UBE2O: variants seen among roughly 807,000 people sequenced by gnomAD.
UBE2O encodes the protein (E3-independent) E2 ubiquitin-conjugating enzyme.
UBE2O carries 15 observed loss-of-function variants against 125.8 expected under a neutral mutation model. The observed-to-expected ratio is 0.12, with a 90% CI of 0.08 to 0.18. The LOEUF (loss-of-function observed/expected upper bound fraction) is 0.18, where lower values mean the gene tolerates loss of function less well. Ranked by LOEUF, UBE2O falls within the 10% of genes least tolerant of loss-of-function variation. The probability of loss-of-function intolerance (pLI) is 1.00; values close to 1 mark genes in which losing one functional copy is unlikely to be tolerated. For missense variants in UBE2O, 1,280 were observed against 1,723.6 expected (o/e 0.74, Z 4.56); for synonymous variants, 708 against 703.2 (o/e 1.01, Z -0.11).
In UBE2O at chr17:76,398,104, C is replaced by CT; in HGVS notation, c.2025+150dup. On this transcript the variant is annotated intron_variant, in intron 12 of 17. Coordinates refer to ENST00000319380, the MANE Select transcript of UBE2O (RefSeq NM_022066.4). This position sits in a 1 kb window ranked among gnomAD's most constrained non-coding sequence, Gnocchi z 5.4. ...TGCAGCTGCTAGTGCTGAGCGGCAG[C>CT]TTGACTCTGGGGCAGCTGCCCTTCT... is the stretch of plus-strand genomic sequence containing the variant. 1 of 1,158,402 alleles carries CT rather than the reference C, an allele frequency of 8.6e-7. No individual in the cohort carries two copies. The highest frequency in any genetic ancestry group is 1.2e-6 in the Non-Finnish European group (1 of 810,022). The allele number at this position is 1,158,402 out of a possible 1,614,324, so 71.8% of individuals were successfully genotyped here.
In UBE2O at chr17:76,452,790, G is replaced by A. The variant is rs772937702; in HGVS notation, c.352C>T (p.Arg118Cys). 4.6e-6 allele frequency: 7 copies of A among 1,522,012 alleles called. No homozygotes were observed. The highest frequency in any genetic ancestry group is 1.2e-5 in the South Asian group (1 of 80,692). The allele number at this position is 1,522,012 out of a possible 1,614,324, so 94.3% of individuals were successfully genotyped here. ...GHEEGRASPLRRGYVRVQWYP... is the reference protein window; with the variant it reads ...GHEEGRASPLCRGYVRVQWYP... Reference sequence around the variant, plus strand: ...CACTGGACGCGCACGTAGCCGCGGCGCAGGGGGCTGGCCCGGCCCTCCTCG... The same window carrying A: ...CACTGGACGCGCACGTAGCCGCGGCACAGGGGGCTGGCCCGGCCCTCCTCG... Residue 118 changes from arginine to cysteine, a missense_variant, in exon 1 of 18, where the codon CGC (arginine) becomes TGC (cysteine). Around this residue, in one of 10 missense-constraint regions of UBE2O, gnomAD observed 188 missense variants for 192.5 expected, o/e 0.98. Transcript: ENST00000319380. This position sits in a 1 kb window ranked among gnomAD's most constrained non-coding sequence, Gnocchi z 4.4.
rs1376556340 is a variant in UBE2O at position 76,452,270 on chromosome 17, T to C, written c.417+455A>G. 6.6e-6 allele frequency among the ~76,000 whole-genome samples: 1 copy of C among 152,162 alleles called. No homozygotes were observed. The highest frequency in any genetic ancestry group is 1.5e-5 in the Non-Finnish European group (1 of 68,030). ...TGGGTTCGGCTGGGATTTTCACCTCTATCTTTGTTTTGGAATGCCCACAAC... is the reference window on the plus strand; with the variant it reads ...TGGGTTCGGCTGGGATTTTCACCTCCATCTTTGTTTTGGAATGCCCACAAC... On this transcript the variant is annotated intron_variant, in intron 1 of 17. Transcript: ENST00000319380. This position sits in a 1 kb window ranked among gnomAD's most constrained non-coding sequence, Gnocchi z 4.4.
In UBE2O at chr17:76,391,706, T is replaced by C; in HGVS notation, c.3208+50A>G. ...GCCAGGGGGACTATCAGAGTCACTT[T>C]CCTCCACCGGCCCTCCCTTGTCCGC... On this transcript the variant is annotated intron_variant, in intron 17 of 17. Coordinates refer to ENST00000319380, the MANE Select transcript of UBE2O (RefSeq NM_022066.4). This position sits in a 1 kb window ranked among gnomAD's most constrained non-coding sequence, Gnocchi z 8.4. 1 of 1,609,984 alleles carries C rather than the reference T, an allele frequency of 6.2e-7. No individual in the cohort carries two copies. The highest frequency in any genetic ancestry group is 8.5e-7 in the Non-Finnish European group (1 of 1,177,524).
At chr17:76,393,215 A>G (rs1018191735) in intron 15 of UBE2O, among the ~76,000 whole-genome samples, 9 of 151,566 alleles carry the variant, frequency 5.9e-5, no homozygotes, top group Non-Finnish European at 1.0e-4. Context: ...CTATGATCAC[A>G]CCACTGCACT....
chr17:76,394,561 G>A (rs1284808028), intron 15 of UBE2O, among the ~76,000 whole-genome samples: 3 of 152,174 alleles, frequency 2.0e-5, no homozygotes, highest in Admixed American at 6.5e-5. Flanking sequence ...TGTGTACGAC[G>A]ACATATTCTG....
intron 1 of UBE2O, among the ~76,000 whole-genome samples, chr17:76,424,410 T>TA (rs2072768928): frequency 6.7e-6 from 1 of 149,124 alleles, no homozygotes; most frequent in South Asian, 2.1e-4. Context: ...GGTTTCACCA[T>TA]ATTGGCCAGG....
In UBE2O at chr17:76,410,864, G is replaced by A. The variant is rs1014899402; in HGVS notation, c.418-5292C>T. On this transcript the variant is annotated intron_variant, in intron 1 of 17. Transcript: ENST00000319380. This position sits in a 1 kb window ranked among gnomAD's most constrained non-coding sequence, Gnocchi z 4.0. ...ATAACACAGCAAAAGCAACTAGCTC[G>A]TCCTGCAGCTCCTGGTCCAGACTCT... Among the ~76,000 whole-genome samples the A allele has an allele frequency of 2.0e-5, 3 of 152,136 alleles. No homozygotes were observed. Among genetic ancestry groups the A allele is most frequent in the East Asian group, 3.8e-4 (2 of 5,200 alleles).
chr17:76,423,896 CTTTTTTTTTTTTTT>C (rs746126675), intron 1 of UBE2O, among the ~76,000 whole-genome samples: 1 of 83,470 alleles, frequency 1.2e-5, no homozygotes, highest in African/African-American at 4.8e-5. Context: ...AGGTTGGGTT[CTTTTTTTTTTTTTT>C]TTTTTTTTTG....
Position 76,391,118 on chromosome 17 carries a change from T to C in UBE2O, c.3704A>G (p.Lys1235Arg), listed in dbSNP as rs1229603807. 6.2e-7 allele frequency: 1 copy of C among 1,614,182 alleles called. No individual in the cohort carries two copies. Among genetic ancestry groups the C allele is most frequent in the Non-Finnish European group, 8.5e-7 (1 of 1,180,036 alleles). The change falls in exon 18 of 18, where the codon AAG becomes AGG. Residue 1235 changes from lysine (K) to arginine (R), a missense_variant. Coordinates refer to ENST00000319380, the MANE Select transcript of UBE2O (RefSeq NM_022066.4). This position sits in a 1 kb window ranked among gnomAD's most constrained non-coding sequence, Gnocchi z 8.4. ...GCTCCGGTAGCTCTTTCTCCGCTTCTTTGGTTTCACACTGGGTGGCACCGA... is the reference window on the plus strand; with the variant it reads ...GCTCCGGTAGCTCTTTCTCCGCTTCCTTGGTTTCACACTGGGTGGCACCGA... The part of the protein sequence containing the change: ...DASVPPSVKP[K>R]KRRKSYRSFL...
chr17:76,453,079 G>A lies in UBE2O; in HGVS notation c.63C>T (p.Ala21=), dbSNP rs1047067806. 2.5e-4 allele frequency: 289 copies of A among 1,177,982 alleles called. 1 individual carries two copies. Among genetic ancestry groups the A allele is most frequent in the Middle Eastern group, 6.1e-4 (2 of 3,262 alleles). The allele number at this position is 1,177,982 out of a possible 1,614,324, so 73.0% of individuals were successfully genotyped here. A position where few individuals can be genotyped will look rare whatever the true frequency, so the allele number is the denominator to read the frequency against. The change falls in exon 1 of 18, where the codon GCC becomes GCT. Residue 21 remains alanine (A), a synonymous_variant. Transcript: ENST00000319380. ...APAPAQAPAP[A]PEAVPAPAAA... is the part of the protein sequence containing the mutation. ...CGGCTGGGGCCGGGACTGCCTCCGG[G>A]GCTGGAGCCGGGGCCTGGGCTGGAG...
intron 1 of UBE2O, among the ~76,000 whole-genome samples, chr17:76,427,702 G>C (rs2143832430): frequency 6.6e-6 from 1 of 152,392 alleles, no homozygotes; most frequent in East Asian, 1.9e-4. Context: ...GCAACATGTA[G>C]ATGTTATAAA....
intron 15 of UBE2O, among the ~76,000 whole-genome samples, chr17:76,394,909 T>C (rs2072178565): frequency 6.6e-6 from 1 of 151,720 alleles, no homozygotes; most frequent in South Asian, 2.1e-4. Context: ...GAAGTCTCGC[T>C]CTGTTGCCCA....
chr17:76,446,663 G>A (rs1032231927), intron 1 of UBE2O, among the ~76,000 whole-genome samples: 1 of 152,184 alleles, frequency 6.6e-6, no homozygotes, highest in African/African-American at 2.4e-5. Context: ...ATTCCCAGCC[G>A]AAGGATGACA....
In UBE2O at chr17:76,402,088, G is replaced by A. The variant is rs1375815105; in HGVS notation, c.726C>T (p.Asp242=). The part of the protein sequence containing the change: ...MNTEDGAKLY[D]VCPHVSDSGL... Reference sequence around the variant, plus strand: ...CCGAGTCGCTGACGTGCGGGCAGACGTCGTAGAGCTTGGCGCCATCTTCCG... The same window carrying A: ...CCGAGTCGCTGACGTGCGGGCAGACATCGTAGAGCTTGGCGCCATCTTCCG... Residue 242 remains aspartate (D), a synonymous_variant, in exon 5 of 18, where the codon GAC becomes GAT. Transcript: ENST00000319380. The surrounding 1 kb of genome is among the most constrained non-coding windows in gnomAD (Gnocchi z 5.4). 1.4e-5 allele frequency: 23 copies of A among 1,613,574 alleles called. No individual in the cohort carries two copies. The highest frequency in any genetic ancestry group is 8.3e-5 in the Admixed American group (5 of 59,980).
At position 76,400,203 on chromosome 17, in the gene UBE2O, C is replaced by A. The variant is rs752134380; in HGVS notation, c.1099G>T (p.Ala367Ser). 6.2e-7 allele frequency: 1 copy of A among 1,614,112 alleles called. No homozygotes were observed. Among genetic ancestry groups the A allele is most frequent in the Non-Finnish European group, 8.5e-7 (1 of 1,180,010 alleles). Residue 367 changes from alanine (A) to serine (S), a missense_variant, in exon 8 of 18, where the codon GCC becomes TCC. Transcript: ENST00000319380. The surrounding 1 kb of genome is among the most constrained non-coding windows in gnomAD (Gnocchi z 4.3). ...CAGTTTTTTTCTGGACATTCCCAGG[C>A]AATCTTGGCTGGCTCTACCTTGGCT... ...FPAKVEPAKI[A>S]WECPEKNCAQ...
chr17:76,437,666 G>A (rs1446525553), intron 1 of UBE2O, among the ~76,000 whole-genome samples: 1 of 151,990 alleles, frequency 6.6e-6, no homozygotes, highest in Non-Finnish European at 1.5e-5. Flanking sequence ...CCTCCCTCTG[G>A]CCTCAACCTC....
chr17:76,403,373 A>T (rs748096093), intron 3 of UBE2O, among the ~76,000 whole-genome samples: 3 of 151,400 alleles, frequency 2.0e-5, no homozygotes, highest in Non-Finnish European at 4.4e-5. Context: ...GGCTCAAGCG[A>T]CTCTCCCACC....
At chr17:76,433,195 T>C (rs1023762969) in intron 1 of UBE2O, among the ~76,000 whole-genome samples, 3 of 151,572 alleles carry the variant, frequency 2.0e-5, no homozygotes, top group Non-Finnish European at 4.4e-5. Context: ...CAACAACAAA[T>C]GTCCATCAAC....
intron 1 of UBE2O, among the ~76,000 whole-genome samples, chr17:76,441,398 T>C (rs1302482292): frequency 6.6e-6 from 1 of 152,226 alleles, no homozygotes; most frequent in Non-Finnish European, 1.5e-5. Flanking sequence ...CAAGCCTTTC[T>C]AACACTAAAG....
Sources: gnomAD v4.1 joint callset for allele counts (sites outside exome capture counted in the v4.1 genomes callset) on GRCh38, gnomAD v4.1.1 for gene constraint, gnomAD v4.1.1 regional missense constraint, Gnocchi (gnomAD v3.1) non-coding constraint, MANE v1.5 for transcripts, NCBI Gene and HGNC (gene_info 2026-07-23, HGNC 2026-07-21) for gene names.